Variants in F9 observed in about 807,000 individuals in gnomAD.
F9 encodes Christmas factor.
A neutral mutation model predicts 34.1 loss-of-function variants in F9; 2 were observed. That is an observed-to-expected ratio of 0.06 (90% CI 0.02 to 0.18). The LOEUF (loss-of-function observed/expected upper bound fraction) is 0.18. Ranked by LOEUF, F9 falls within the 10% of genes least tolerant of loss-of-function variation. The probability of loss-of-function intolerance (pLI) is 1.00; values close to 1 mark genes in which losing one functional copy is unlikely to be tolerated. For missense variants in F9, 216 were observed against 345.1 expected (o/e 0.63, Z 2.96); for synonymous variants, 137 against 118.8 (o/e 1.15, Z -1.00).
intron 6 of F9, among the ~76,000 whole-genome samples, chrX:139,551,531 T>C (rs1927843593): frequency 9.0e-6 from 1 of 111,354 alleles, no homozygotes. Context: ...GTCAACAACA[T>C]GAAGGTCTGG....
In F9 at chrX:139,537,145, G is replaced by A. The variant is rs137852228; in HGVS notation, c.224G>A (p.Arg75Gln). ...MEEKCSFEEA[R>Q]EVFENTERTT... Reference sequence around the variant, plus strand: ...GAAAAGTGTAGTTTTGAAGAAGCACGAGAAGTTTTTGAAAACACTGAAAGA... The same window carrying A: ...GAAAAGTGTAGTTTTGAAGAAGCACAAGAAGTTTTTGAAAACACTGAAAGA... Residue 75 changes from arginine (R) to glutamine (Q), a missense_variant, in exon 2 of 8, where the codon CGA becomes CAA. Coordinates refer to ENST00000218099, the MANE Select transcript of F9 (RefSeq NM_000133.4). 3.3e-6 allele frequency: 4 copies of A among 1,211,104 alleles called. No homozygotes were observed. The highest frequency in any genetic ancestry group is 2.2e-5 in the Admixed American group (1 of 45,990).
intron 3 of F9, among the ~76,000 whole-genome samples, chrX:139,539,353 C>T (rs1927552434): frequency 8.9e-6 from 1 of 112,210 alleles, no homozygotes; most frequent in African/African-American, 3.2e-5. Context: ...TGCTGCTCAA[C>T]CCCTTGCTTT....
intron 6 of F9, among the ~76,000 whole-genome samples, chrX:139,552,859 T>C: frequency 8.9e-6 from 1 of 112,478 alleles, no homozygotes; most frequent in African/African-American, 3.2e-5. Flanking sequence ...TTTGCAATTA[T>C]CAAACTGGTG....
At chrX:139,551,873 A>C (rs1444196170) in intron 6 of F9, among the ~76,000 whole-genome samples, 1 of 111,870 alleles carries the variant, frequency 8.9e-6, no homozygotes, top group African/African-American at 3.3e-5. Context: ...CAAGCACTGC[A>C]GGTGATTTTG....
At chrX:139,535,459 G>A (rs1219330089) in intron 1 of F9, among the ~76,000 whole-genome samples, 1 of 112,040 alleles carries the variant, frequency 8.9e-6, no homozygotes, top group Non-Finnish European at 1.9e-5. Flanking sequence ...GATGTCAAGG[G>A]ACTAGAACAC....
rs1185405262 is a variant in F9, at chrX:139,562,896, A to G, written c.*825A>G. 1.1e-5 allele frequency: 1 copy of G among 88,654 alleles called. No homozygotes were observed. The highest frequency in any genetic ancestry group is 2.3e-5 in the Non-Finnish European group (1 of 43,795). The allele number at this position is 88,654 out of a possible 1,213,427, so 7.3% of individuals were successfully genotyped here. ...AATATATAATATACAATATAAATAT[A>G]TAGTGTGTGTGTATGCGTGTGTGTA... On this transcript the variant is annotated 3_prime_UTR_variant, in exon 8 of 8. Coordinates refer to ENST00000218099, the MANE Select transcript of F9 (RefSeq NM_000133.4).
chrX:139,535,541 T>C (rs1378641328), intron 1 of F9, among the ~76,000 whole-genome samples: 1 of 111,347 alleles, frequency 9.0e-6, no homozygotes, highest in Non-Finnish European at 1.9e-5. Context: ...TTCCTTTCCT[T>C]TTTACTTTCC....
chrX:139,535,566 T>A (rs1204130085), intron 1 of F9, among the ~76,000 whole-genome samples: 2 of 111,290 alleles, frequency 1.8e-5, no homozygotes, highest in African/African-American at 6.5e-5. Flanking sequence ...TCTTCCTTTT[T>A]GGAGTTAATC....
intron 1 of F9, among the ~76,000 whole-genome samples, chrX:139,536,105 A>T (rs1927453826): frequency 9.2e-6 from 1 of 108,139 alleles, no homozygotes; most frequent in East Asian, 2.9e-4. Flanking sequence ...ATTGTGCAGC[A>T]AATGATTATC....
At chrX:139,548,167 T>C (rs1373428391) in intron 4 of F9, among the ~76,000 whole-genome samples, 196 bp from the exon 5 acceptor site, 1 of 111,717 alleles carries the variant, frequency 9.0e-6, no homozygotes, top group Non-Finnish European at 1.9e-5. Flanking sequence ...ATCATTTTTA[T>C]GCATTATTGA....
intron 6 of F9, among the ~76,000 whole-genome samples, chrX:139,555,896 A>C (rs4149722): frequency 0.014 from 1,563 of 111,681 alleles, 21 homozygotes; most frequent in African/African-American, 0.048. Flanking sequence ...GATAGCTTTC[A>C]TCAACAGCTC....
intron 6 of F9, among the ~76,000 whole-genome samples, chrX:139,559,154 T>C (rs965956822): frequency 1.3e-4 from 15 of 112,758 alleles, no homozygotes; most frequent in African/African-American, 4.5e-4. Flanking sequence ...TGTTCAAAAA[T>C]TTAGGAAAAT....
At chrX:139,534,406 G>A (rs781658723) in intron 1 of F9, among the ~76,000 whole-genome samples, 16 of 112,027 alleles carry the variant, frequency 1.4e-4, no homozygotes, top group Non-Finnish European at 2.4e-4. Flanking sequence ...ACCTATTTCT[G>A]TCTGATCTGA....
rs575083782 is a variant in F9, at chrX:139,544,391, C to A, written c.391+3202C>A. 2.3e-4 allele frequency among the ~76,000 whole-genome samples: 25 copies of A among 110,461 alleles called. No homozygotes were observed. In the South Asian group the frequency reaches 9.0e-3, roughly 40 times the overall value. ...ATTAATTAATAGGACCAAGTGCCAT[C>A]TTTTTGGATCATGCCCTTAGTGGAT... On this transcript the variant is annotated intron_variant, in intron 4 of 7. Coordinates refer to ENST00000218099, the MANE Select transcript of F9 (RefSeq NM_000133.4).
intron 6 of F9, among the ~76,000 whole-genome samples, chrX:139,560,049 G>T (rs1928063154): frequency 8.9e-6 from 1 of 111,831 alleles, no homozygotes; most frequent in African/African-American, 3.2e-5. Context: ...TCACTGCTTT[G>T]TCCACTTTGC....
chrX:139,548,253 A>T, intron 4 of F9, 110 bp from the exon 5 acceptor site: 12 of 847,308 alleles, frequency 1.4e-5, no homozygotes, highest in African/African-American at 2.0e-5. Flanking sequence ...ATTGGGGGCA[A>T]CATGAATGCC....
chrX:139,537,748 TATC>T (rs1927517838), intron 3 of F9, among the ~76,000 whole-genome samples: 2 of 111,307 alleles, frequency 1.8e-5, no homozygotes, highest in Non-Finnish European at 3.8e-5. Context: ...TCCTCCTCAT[TATC>T]ATGGCCCACA....
rs137852232 is a variant in F9, at chrX:139,541,099, C to G, written c.301C>G (p.Pro101Ala). The change falls in exon 4 of 8, where the codon CCA becomes GCA. Residue 101 changes from proline to alanine, a missense_variant. By Grantham distance (27) the Pro-to-Ala change is conservative. Coordinates refer to ENST00000218099, the MANE Select transcript of F9 (RefSeq NM_000133.4). ...AGATGGAGATCAGTGTGAGTCCAAT[C>G]CATGTTTAAATGGCGGCAGTTGCAA... ...YVDGDQCESN[P>A]CLNGGSCKDD... is the part of the protein sequence containing the mutation. The G allele has an allele frequency of 1.7e-6, 2 of 1,195,966 alleles. No homozygotes were observed. The highest frequency in any genetic ancestry group is 3.5e-5 in the African/African-American group (2 of 56,711).
intron 1 of F9, among the ~76,000 whole-genome samples, chrX:139,534,515 A>G (rs1199394781): frequency 8.9e-6 from 1 of 112,192 alleles, no homozygotes; most frequent in Non-Finnish European, 1.9e-5. Flanking sequence ...AAAAATATTC[A>G]AGAAAAAAAT....
Sources: gnomAD v4.1 joint callset for allele counts (sites outside exome capture counted in the v4.1 genomes callset) on GRCh38, gnomAD v4.1.1 for gene constraint, MANE v1.5 for transcripts, NCBI Gene and HGNC (gene_info 2026-07-23, HGNC 2026-07-21) for gene names.